LYPD6: variants seen among roughly 807,000 people sequenced by gnomAD.
LYPD6 encodes the protein ly6/PLAUR domain-containing protein 6.
LYPD6 carries 15 observed loss-of-function variants against 22.7 expected under a neutral mutation model. That is an observed-to-expected ratio of 0.66 (90% confidence interval 0.44 to 1.02). LYPD6 has a LOEUF of 1.02. LYPD6 is among the 50% of genes least tolerant of loss of function. The pLI is 0.00. For synonymous variants in LYPD6, 72 were observed against 77.5 expected (o/e 0.93, Z 0.37); for missense variants, 189 against 208.4 (o/e 0.91, Z 0.57).
chr2:149,437,684 T>G lies in LYPD6; in HGVS notation c.-25T>G. The G allele has an allele frequency of 6.2e-7, 1 of 1,613,626 alleles. No individual in the cohort carries two copies. Among genetic ancestry groups the G allele is most frequent in the Non-Finnish European group, 8.5e-7 (1 of 1,179,894 alleles). ...CCTGAGTGCCCACTCCCAGGCCCTC[T>G]GTATGAGTGACACTTCAGTCTGCCA... On this transcript the variant is annotated 5_prime_UTR_variant, in exon 2 of 5. Coordinates refer to ENST00000334166, the MANE Select transcript of LYPD6 (RefSeq NM_194317.5).
intron 3 of LYPD6, among the ~76,000 whole-genome samples, chr2:149,454,896 C>T (rs1028257823): frequency 4.6e-5 from 7 of 152,188 alleles, no homozygotes; most frequent in Non-Finnish European, 1.0e-4. Context: ...CCTGCTAGCT[C>T]TGATCTCCTG....
In LYPD6 at chr2:149,382,563, C is replaced by T. The variant is rs917999961; in HGVS notation, c.-72+51841C>T. Among the ~76,000 whole-genome samples, 12 of 152,086 alleles carry T rather than the reference C, an allele frequency of 7.9e-5. 1 individual carries two copies. The highest frequency in any genetic ancestry group is 5.2e-4 in the Admixed American group (8 of 15,262). On this transcript the variant is annotated intron_variant, in intron 1 of 4. Coordinates refer to ENST00000334166, the MANE Select transcript of LYPD6 (RefSeq NM_194317.5). ...TGTGGCCCTATATCATGTTTGTGAA[C>T]CTCATGTTGACGTCAGTCAGCATTT...
At chr2:149,372,580 C>G (rs990934235) in intron 1 of LYPD6, among the ~76,000 whole-genome samples, 4 of 152,152 alleles carry the variant, frequency 2.6e-5, no homozygotes, top group African/African-American at 7.2e-5. Flanking sequence ...TTAGATGACT[C>G]CAGGATTTCA....
At chr2:149,479,340 C>G in the LYPD6 span, among the ~76,000 whole-genome samples, 1 of 152,150 alleles carries the variant, frequency 6.6e-6, no homozygotes, top group Admixed American at 6.5e-5. Context: ...TTCTTCCATG[C>G]CTGTTATTTA....
At chr2:149,439,695 C>T (rs1487973184) in intron 2 of LYPD6, among the ~76,000 whole-genome samples, 2 of 152,148 alleles carry the variant, frequency 1.3e-5, no homozygotes, top group African/African-American at 4.8e-5. Flanking sequence ...TTGGGAAATT[C>T]AATTTCAGAA....
rs55865437 is a variant in LYPD6 at position 149,449,096 on chromosome 2, G to A, written c.166G>A (p.Ala56Thr). The change falls in exon 3 of 5, where the codon GCA becomes ACA. Residue 56 changes from alanine (A) to threonine (T), a missense_variant. Physicochemically the swap from Ala to Thr is moderately conservative, Grantham distance 58. Transcript: ENST00000334166. ...GFKCFTCEKA[A>T]DNYECNRWAP... ...TAAATGTTTCACCTGTGAAAAGGCA[G>A]CAGACAATTATGAGTGCAACCGATG... 3.8e-4 allele frequency: 619 copies of A among 1,613,624 alleles called. 3 individuals carry two copies. The highest frequency in any genetic ancestry group is 1.1e-3 in the South Asian group (100 of 90,986).
At chr2:149,372,705 T>G (rs1252882590) in intron 1 of LYPD6, among the ~76,000 whole-genome samples, 2 of 152,154 alleles carry the variant, frequency 1.3e-5, no homozygotes, top group African/African-American at 4.8e-5. Flanking sequence ...CAATATAAAT[T>G]CATTGTAATA....
chr2:149,428,530 G>A (rs1419334626), intron 1 of LYPD6, among the ~76,000 whole-genome samples: 1 of 152,056 alleles, frequency 6.6e-6, no homozygotes, highest in Non-Finnish European at 1.5e-5. Flanking sequence ...CACACCTTGG[G>A]GGCTCCTGTA....
At chr2:149,455,490 C>G (rs1402367229) in intron 3 of LYPD6, among the ~76,000 whole-genome samples, 1 of 152,078 alleles carries the variant, frequency 6.6e-6, no homozygotes, top group African/African-American at 2.4e-5. Context: ...AATCTCCTGA[C>G]CTCGTGATCC....
chr2:149,371,010 G>A (rs1681795980), intron 1 of LYPD6, among the ~76,000 whole-genome samples: 1 of 152,174 alleles, frequency 6.6e-6, no homozygotes, highest in African/African-American at 2.4e-5. Flanking sequence ...GAATTAGAAA[G>A]CTTTGAGGTT....
chr2:149,452,946 C>T (rs1302929001), intron 3 of LYPD6, among the ~76,000 whole-genome samples: 4 of 152,150 alleles, frequency 2.6e-5, no homozygotes, highest in African/African-American at 4.8e-5. Flanking sequence ...GATATAAGGG[C>T]GTTCTCCTCC....
chr2:149,439,333 T>G (rs1683505399), intron 2 of LYPD6, among the ~76,000 whole-genome samples: 1 of 152,234 alleles, frequency 6.6e-6, no homozygotes, highest in Non-Finnish European at 1.5e-5. Context: ...TTTATTTTAA[T>G]AATATGCATG....
chr2:149,468,521 GCAGTGCACATCTT>G, intron 3 of LYPD6, 111 bp from the exon 4 acceptor site: 1 of 1,076,118 alleles, frequency 9.3e-7, no homozygotes, highest in South Asian at 1.5e-5. Flanking sequence ...TAAACTCAAA[GCAGTGCACATCTT>G]ATGTGCTATT....
intron 1 of LYPD6, among the ~76,000 whole-genome samples, chr2:149,415,625 GGAAA>G (rs773532756): frequency 1.5e-4 from 22 of 151,670 alleles, no homozygotes; most frequent in Non-Finnish European, 2.2e-4. Flanking sequence ...AAGGAAGGAA[GGAAA>G]GAAAGAAGGA....
At chr2:149,364,357 T>C (rs185997269) in intron 1 of LYPD6, among the ~76,000 whole-genome samples, 6 of 152,280 alleles carry the variant, frequency 3.9e-5, no homozygotes, top group African/African-American at 1.4e-4. Flanking sequence ...TTAGTTGAAA[T>C]CACCAGGATG....
At chr2:149,465,717 T>G (rs574022706) in intron 3 of LYPD6, among the ~76,000 whole-genome samples, 1 of 152,338 alleles carries the variant, frequency 6.6e-6, no homozygotes, top group East Asian at 1.9e-4. Context: ...TTGGGTTACT[T>G]TTAACTTTCA....
At chr2:149,427,766 T>C (rs941161998) in intron 1 of LYPD6, among the ~76,000 whole-genome samples, 6 of 152,240 alleles carry the variant, frequency 3.9e-5, no homozygotes, top group African/African-American at 1.2e-4. Context: ...AAGTACACTC[T>C]ATGATGTTCA....
intron 1 of LYPD6, among the ~76,000 whole-genome samples, chr2:149,337,201 A>G (rs1681051181): frequency 1.3e-5 from 2 of 151,920 alleles, no homozygotes; most frequent in Admixed American, 6.6e-5. Context: ...AGCACAGAAG[A>G]CTCTCCCAGT....
At chr2:149,331,016 C>G (rs1680926698) in intron 1 of LYPD6, among the ~76,000 whole-genome samples, 5 of 152,308 alleles carry the variant, frequency 3.3e-5, no homozygotes, top group Middle Eastern at 3.4e-3. Flanking sequence ...CTGCCAAGTT[C>G]AAGGCTGGAG....
Sources: gnomAD v4.1 joint callset for allele counts (sites outside exome capture counted in the v4.1 genomes callset) on GRCh38, gnomAD v4.1.1 for gene constraint, MANE v1.5 for transcripts, NCBI Gene and HGNC (gene_info 2026-07-23, HGNC 2026-07-21) for gene names.